The following HSD17B4 variants were observed in gnomAD, a reference collection of about 807,000 sequenced individuals.
HSD17B4 encodes peroxisomal multifunctional enzyme type 2.
A neutral mutation model predicts 101.0 loss-of-function variants in HSD17B4; 70 were observed. The ratio of observed to expected loss-of-function variants is 0.69; its 90% CI spans 0.57 to 0.85. HSD17B4 has a LOEUF of 0.85. Among genes scored for constraint, HSD17B4 ranks in the 40% least tolerant of loss-of-function variants. The pLI, the probability that HSD17B4 is intolerant of heterozygous loss-of-function variation, is 0.00. For synonymous variants in HSD17B4, 347 were observed against 297.1 expected (o/e 1.17, Z -1.73); for missense variants, 984 against 892.4 (o/e 1.10, Z -1.31).
rs553273092 is a variant in HSD17B4, at chr5:119,474,118, T to C, written c.220+103T>C. The stretch of plus-strand genomic sequence containing the variant: ...ATATCTCAGTATTCCAGTATAATTA[T>C]GATTTTCTAAGTCTGCCAAAGTTTT... On this transcript the variant is annotated intron_variant, in intron 3 of 23. Coordinates refer to ENST00000510025, the MANE Select transcript of HSD17B4 (RefSeq NM_000414.4). 2.7e-5 allele frequency: 21 copies of C among 788,554 alleles called. No individual in the cohort carries two copies. The African/African-American group carries it at 3.5e-4, about 13-fold the overall frequency. 48.8% of individuals were successfully genotyped at this position (788,554 alleles called of 1,614,324 possible).
At position 119,514,293 on chromosome 5, in the gene HSD17B4, A is replaced by G. The variant is rs189041306; in HGVS notation, c.1438-688A>G. Among the ~76,000 whole-genome samples the G allele has an allele frequency of 3.7e-4, 56 of 152,220 alleles. 1 individual carries two copies. The highest frequency in any genetic ancestry group is 1.3e-3 in the African/African-American group (52 of 41,562). Reference sequence around the variant, plus strand: ...GGCATTTTAGTAATGAAAAATCACTAATTTCTTAACTCTCTGAAAGGATAA... The same window carrying G: ...GGCATTTTAGTAATGAAAAATCACTGATTTCTTAACTCTCTGAAAGGATAA... On this transcript the variant is annotated intron_variant, in intron 16 of 23. Coordinates refer to ENST00000510025, the MANE Select transcript of HSD17B4 (RefSeq NM_000414.4).
At chr5:119,472,251 C>T (rs1334119280) in intron 2 of HSD17B4, among the ~76,000 whole-genome samples, 1 of 152,164 alleles carries the variant, frequency 6.6e-6, no homozygotes, top group African/African-American at 2.4e-5. Flanking sequence ...CATTCTTATA[C>T]ATAAAGACTT....
chr5:119,457,573 C>A (rs904557419), intron 2 of HSD17B4, among the ~76,000 whole-genome samples: 3 of 152,144 alleles, frequency 2.0e-5, no homozygotes, highest in Admixed American at 6.5e-5. Context: ...ATTTGGACAG[C>A]GAGTATATAT....
intron 23 of HSD17B4, among the ~76,000 whole-genome samples, chr5:119,537,545 A>T (rs1754636072): frequency 6.6e-6 from 1 of 152,138 alleles, no homozygotes; most frequent in South Asian, 2.1e-4. Context: ...TTAAGACAAA[A>T]CCCTACTGTA....
chr5:119,542,195 A>G lies in HSD17B4; in HGVS notation c.*201A>G. ...TTTTACAAGGAACTATATATAAGCTAGCACATAATTATCCTTCTGTTCTTA... is the reference window on the plus strand; with the variant it reads ...TTTTACAAGGAACTATATATAAGCTGGCACATAATTATCCTTCTGTTCTTA... On this transcript the variant is annotated 3_prime_UTR_variant, in exon 24 of 24. Transcript: ENST00000510025. The G allele has an allele frequency of 3.9e-6, 2 of 514,512 alleles. No homozygotes were observed. Among genetic ancestry groups the G allele is most frequent in the South Asian group, 2.2e-5 (1 of 44,554 alleles). The allele number at this position is 514,512 out of a possible 1,614,324, so 31.9% of individuals were successfully genotyped here. A position where few individuals can be genotyped will look rare whatever the true frequency, so the allele number is the denominator to read the frequency against.
chr5:119,532,972 A>G (rs1168004374), intron 22 of HSD17B4, among the ~76,000 whole-genome samples: 1 of 152,156 alleles, frequency 6.6e-6, no homozygotes, highest in Non-Finnish European at 1.5e-5. Context: ...TAGAAGTAAT[A>G]TGCACGTTTA....
At chr5:119,456,618 G>T (rs1580495247) in intron 2 of HSD17B4, 1 of 494,984 alleles carries the variant, frequency 2.0e-6, no homozygotes, top group East Asian at 3.8e-5. Flanking sequence ...ATGCTGGCTT[G>T]TGGCTATAAC....
At chr5:119,530,472 A>C (rs1753969934) in intron 21 of HSD17B4, among the ~76,000 whole-genome samples, 1 of 152,028 alleles carries the variant, frequency 6.6e-6, no homozygotes. Context: ...TGTAATGTTG[A>C]GGTTTCGATA....
chr5:119,488,687 C>G (rs1177947357), intron 8 of HSD17B4, among the ~76,000 whole-genome samples: 1 of 152,178 alleles, frequency 6.6e-6, no homozygotes, highest in Non-Finnish European at 1.5e-5. Context: ...ACTTTGTGCA[C>G]TCACCAGTGA....
intron 16 of HSD17B4, among the ~76,000 whole-genome samples, chr5:119,510,565 T>G (rs906063943): frequency 2.0e-5 from 3 of 152,248 alleles, no homozygotes; most frequent in African/African-American, 7.2e-5. Flanking sequence ...TCCTTGGACT[T>G]TCTTGTCAGT....
At chr5:119,537,086 A>G (rs1046538434) in intron 23 of HSD17B4, among the ~76,000 whole-genome samples, 11 of 152,096 alleles carry the variant, frequency 7.2e-5, no homozygotes, top group African/African-American at 2.4e-4. Flanking sequence ...AAAATTTGTT[A>G]TTTTCAATTT....
rs1263701221 is a variant in HSD17B4, at chr5:119,499,351, C to A, written c.1007C>A (p.Ser336Tyr). ...ATTGGCCAGAAACTCCCTCCATTTT[C>A]TTATGCTTATACGGAACTGGAAGCT... ...GAIGQKLPPF[S>Y]YAYTELEAIM... is the part of the protein sequence containing the mutation. The change falls in exon 13 of 24, where the codon TCT (serine) becomes TAT (tyrosine). Residue 336 changes from serine (S) to tyrosine (Y), a missense_variant. By Grantham distance (144) the Ser-to-Tyr change is moderately radical. Transcript: ENST00000510025. 4 of 1,613,590 alleles carry A rather than the reference C, an allele frequency of 2.5e-6. No homozygotes were observed. The highest frequency in any genetic ancestry group is 3.4e-6 in the Non-Finnish European group (4 of 1,179,698).
chr5:119,493,169 C>G (rs1049926161), intron 10 of HSD17B4: 2 of 152,302 alleles, frequency 1.3e-5, no homozygotes, highest in African/African-American at 4.8e-5. Flanking sequence ...TCATCAGTGT[C>G]TGACTATTAT....
intron 2 of HSD17B4, among the ~76,000 whole-genome samples, chr5:119,460,587 G>A (rs924283732): frequency 6.6e-6 from 1 of 151,918 alleles, no homozygotes; most frequent in Non-Finnish European, 1.5e-5. Context: ...AAAGTAATAA[G>A]GTTAATAGAC....
intron 8 of HSD17B4, among the ~76,000 whole-genome samples, chr5:119,484,732 G>C (rs944592200): frequency 1.3e-5 from 2 of 152,186 alleles, no homozygotes; most frequent in South Asian, 2.1e-4. Context: ...TTTAGAACTT[G>C]GGATTTGTAA....
chr5:119,536,432 T>C lies in HSD17B4; in HGVS notation c.2003T>C (p.Leu668Pro). 1 of 1,612,234 alleles carries C rather than the reference T, an allele frequency of 6.2e-7. No individual in the cohort carries two copies. Among genetic ancestry groups the C allele is most frequent in the Non-Finnish European group, 8.5e-7 (1 of 1,178,616 alleles). The change falls in exon 23 of 24, where the codon CTG (leucine) becomes CCG (proline). Residue 668 changes from leucine (L) to proline (P), a missense_variant. Coordinates refer to ENST00000510025, the MANE Select transcript of HSD17B4 (RefSeq NM_000414.4). ...GNIGAKWTID[L>P]KSGSGKVYQG... ...TTCCTATTTTTCCCAGCTATTGACC[T>C]GAAAAGTGGTTCTGGAAAAGTGTAC... is the stretch of plus-strand genomic sequence containing the variant.
chr5:119,482,293 G>A (rs1321027895), intron 8 of HSD17B4, among the ~76,000 whole-genome samples: 1 of 151,980 alleles, frequency 6.6e-6, no homozygotes, highest in African/African-American at 2.4e-5. Context: ...TTGATTTCTA[G>A]CATTTTCTTT....
chr5:119,503,863 T>G (rs1751418000), intron 14 of HSD17B4, among the ~76,000 whole-genome samples: 2 of 152,238 alleles, frequency 1.3e-5, no homozygotes, highest in South Asian at 4.1e-4. Context: ...GATGCTAAAC[T>G]TTGGGATATG....
chr5:119,529,207 A>G (rs185862302), intron 20 of HSD17B4, among the ~76,000 whole-genome samples: 2 of 152,170 alleles, frequency 1.3e-5, no homozygotes, highest in East Asian at 1.9e-4. Flanking sequence ...AACTTATCCT[A>G]TACATTTGTA....
Sources: gnomAD v4.1 joint callset for allele counts (sites outside exome capture counted in the v4.1 genomes callset) on GRCh38, gnomAD v4.1.1 for gene constraint, MANE v1.5 for transcripts, NCBI Gene and HGNC (gene_info 2026-07-23, HGNC 2026-07-21) for gene names.